DCAF5: variants seen among roughly 807,000 people sequenced by gnomAD.
DCAF5 encodes the protein DDB1 and CUL4 associated factor 5.
In DCAF5, 9 loss-of-function variants were observed where a neutral mutation model predicts 80.7. The observed-to-expected ratio is 0.11, with a 90% CI of 0.07 to 0.19. The LOEUF (loss-of-function observed/expected upper bound fraction) is 0.19. DCAF5 is among the 10% of genes least tolerant of loss of function. The pLI, the probability that DCAF5 is intolerant of heterozygous loss-of-function variation, is 1.00. For missense variants in DCAF5, 842 were observed against 1,205.7 expected (o/e 0.70, Z 4.47); for synonymous variants, 433 against 461.9 (o/e 0.94, Z 0.80).
intron 8 of DCAF5, among the ~76,000 whole-genome samples, chr14:69,056,907 C>G (rs1251928284): frequency 1.3e-5 from 2 of 152,236 alleles, no homozygotes; most frequent in Non-Finnish European, 1.5e-5. Context: ...CCTCCTTCAA[C>G]TTTGTTCCCT....
chr14:69,093,344 GA>G (rs1346747488), intron 5 of DCAF5, among the ~76,000 whole-genome samples: 3 of 152,076 alleles, frequency 2.0e-5, no homozygotes, highest in South Asian at 4.1e-4. Context: ...TAGTTTTAGA[GA>G]AAAAAGTTTA....
At position 69,084,707 on chromosome 14, in the gene DCAF5, T is replaced by C. The variant is rs181965123; in HGVS notation, c.879+6967A>G. The C allele has an allele frequency of 5.9e-5, 76 of 1,285,524 alleles. No homozygotes were observed. In the East Asian group the frequency reaches 1.7e-3, roughly 29 times the overall value. The allele number at this position is 1,285,524 out of a possible 1,614,324, so 79.6% of individuals were successfully genotyped here. On this transcript the variant is annotated intron_variant, in intron 6 of 8. Transcript: ENST00000341516. The stretch of plus-strand genomic sequence containing the variant: ...TATGTCCGTGAAATACCACTATGAG[T>C]TGCTGAACTACATTGATTTGCCCAT...
At chr14:69,084,701 T>C (rs1389733808) in intron 6 of DCAF5, 41 of 1,285,862 alleles carry the variant, frequency 3.2e-5, no homozygotes, top group Non-Finnish European at 4.4e-5. Flanking sequence ...GAAATACCAC[T>C]ATGAGTTGCT....
intron 7 of DCAF5, among the ~76,000 whole-genome samples, chr14:69,074,584 G>A (rs899814361): frequency 2.0e-5 from 3 of 152,092 alleles, no homozygotes; most frequent in Non-Finnish European, 4.4e-5. Flanking sequence ...AAGCCCCAGG[G>A]AACATACCTG....
chr14:69,121,943 G>T (rs918673006), intron 2 of DCAF5, among the ~76,000 whole-genome samples: 7 of 152,152 alleles, frequency 4.6e-5, no homozygotes, highest in Admixed American at 4.6e-4. Context: ...GTCTGTGTGT[G>T]TTTCTGTGTA....
Position 69,053,817 on chromosome 14 carries a change from A to G in DCAF5, c.*40T>C, listed in dbSNP as rs1182609443. The G allele has an allele frequency of 6.6e-7, 1 of 1,507,472 alleles. No individual in the cohort carries two copies. Among genetic ancestry groups the G allele is most frequent in the Non-Finnish European group, 8.8e-7 (1 of 1,134,640 alleles). The allele number at this position is 1,507,472 out of a possible 1,614,324, so 93.4% of individuals were successfully genotyped here. A position where few individuals can be genotyped will look rare whatever the true frequency, so the allele number is the denominator to read the frequency against. Reference sequence around the variant, plus strand: ...CACTAAACAATTTTTTTTTTTTTGTAAGGCTACTTTTGTAGCTTTTTGTTT... The same window carrying G: ...CACTAAACAATTTTTTTTTTTTTGTGAGGCTACTTTTGTAGCTTTTTGTTT... On this transcript the variant is annotated 3_prime_UTR_variant, in exon 9 of 9. Coordinates refer to ENST00000341516, the MANE Select transcript of DCAF5 (RefSeq NM_003861.3).
intron 1 of DCAF5, among the ~76,000 whole-genome samples, chr14:69,127,719 A>G (rs2040919899): frequency 1.3e-5 from 2 of 152,212 alleles, no homozygotes; most frequent in Admixed American, 6.5e-5. Flanking sequence ...GATGTTGACA[A>G]TGAAGGAGGC....
intron 5 of DCAF5, among the ~76,000 whole-genome samples, chr14:69,103,483 C>T (rs186935720): frequency 2.6e-5 from 4 of 152,302 alleles, no homozygotes; most frequent in East Asian, 1.9e-4. Context: ...TGTACAAGAA[C>T]GTCCTGTGCA....
intron 6 of DCAF5, among the ~76,000 whole-genome samples, chr14:69,087,565 T>C (rs1177365786): frequency 6.6e-6 from 1 of 152,244 alleles, no homozygotes; most frequent in African/African-American, 2.4e-5. Context: ...GATCTGATGC[T>C]AGAAGTTATC....
chr14:69,139,061 G>T (rs867784179), intron 1 of DCAF5, among the ~76,000 whole-genome samples: 2 of 152,132 alleles, frequency 1.3e-5, no homozygotes, highest in African/African-American at 4.8e-5. Flanking sequence ...TGAGGTGGGA[G>T]GATCACTTGA....
At chr14:69,096,416 A>G (rs142415676) in intron 5 of DCAF5, among the ~76,000 whole-genome samples, 43 of 152,356 alleles carry the variant, frequency 2.8e-4, no homozygotes, top group African/African-American at 9.9e-4. Context: ...TGAATTCAGT[A>G]TACTTTTTGA....
At chr14:69,129,585 CAG>C (rs1013269287) in intron 1 of DCAF5, among the ~76,000 whole-genome samples, 25 of 152,310 alleles carry the variant, frequency 1.6e-4, no homozygotes, top group Admixed American at 1.4e-3. Context: ...TTCAGAAAGG[CAG>C]AGATTTATTG....
intron 6 of DCAF5, chr14:69,091,282 C>G (rs1040544402): frequency 8.0e-6 from 5 of 627,802 alleles, no homozygotes; most frequent in African/African-American, 5.5e-5. Context: ...TTGGATGGTA[C>G]TTAGGGTGTT....
chr14:69,088,653 C>T (rs941724011), intron 6 of DCAF5, among the ~76,000 whole-genome samples: 2 of 152,200 alleles, frequency 1.3e-5, no homozygotes, highest in Non-Finnish European at 2.9e-5. Flanking sequence ...CATCCATGTT[C>T]ATTCCTATTA....
chr14:69,092,683 TA>T (rs1216903501), intron 5 of DCAF5, among the ~76,000 whole-genome samples: 3 of 152,202 alleles, frequency 2.0e-5, no homozygotes, highest in Admixed American at 2.0e-4. Flanking sequence ...TTTCATTACT[TA>T]ATTTTGAATT....
intron 6 of DCAF5, among the ~76,000 whole-genome samples, chr14:69,081,836 A>G (rs1476159577): frequency 6.6e-6 from 1 of 152,212 alleles, no homozygotes; most frequent in East Asian, 1.9e-4. Flanking sequence ...TGAAGAAGGA[A>G]ACATATCAAT....
intron 6 of DCAF5, among the ~76,000 whole-genome samples, chr14:69,086,405 T>C (rs1343244297): frequency 6.6e-6 from 1 of 150,704 alleles, no homozygotes; most frequent in Non-Finnish European, 1.5e-5. Flanking sequence ...ATAGTGGATA[T>C]GAAAATGCTT....
chr14:69,153,178 A>C (rs1415332017), upstream of DCAF5: 2 of 425,808 alleles, frequency 4.7e-6, no homozygotes, highest in African/African-American at 4.2e-5. Flanking sequence ...CTTCCCCCCG[A>C]GGCTCCTCCC....
chr14:69,121,015 G>A (rs2040702336), intron 2 of DCAF5, among the ~76,000 whole-genome samples: 2 of 152,212 alleles, frequency 1.3e-5, no homozygotes, highest in Admixed American at 6.5e-5. Flanking sequence ...AGGGGAATTG[G>A]TGGGGACTGG....
Sources: allele counts gnomAD v4.1 joint callset (sites outside exome capture counted in the v4.1 genomes callset), GRCh38; gene constraint gnomAD v4.1.1; transcripts MANE v1.5; gene names NCBI Gene and HGNC (gene_info 2026-07-23, HGNC 2026-07-21).